Variants in MCTP2 observed in about 807,000 individuals in gnomAD.
MCTP2 encodes multiple C2 and transmembrane domain-containing protein 2.
Under a neutral mutation model 111.6 loss-of-function variants are expected in MCTP2, and 132 were observed. That is an observed-to-expected ratio of 1.18 (90% CI 1.03 to 1.37). MCTP2 has a LOEUF of 1.37. Among genes scored for constraint, MCTP2 ranks in the 40% most tolerant of loss-of-function variants. The probability of loss-of-function intolerance (pLI) is 0.00; values close to 1 mark genes in which losing one functional copy is unlikely to be tolerated. For missense variants in MCTP2, 1,183 were observed against 1,067.9 expected, an observed-to-expected ratio of 1.11 and a Z score of -1.50; for synonymous variants, 395 against 387.7, an observed-to-expected ratio of 1.02 and a Z score of -0.22.
intron 1 of MCTP2, among the ~76,000 whole-genome samples, chr15:94,268,076 C>G (rs374974153): frequency 6.6e-6 from 1 of 151,122 alleles, no homozygotes; most frequent in Non-Finnish European, 1.5e-5. Flanking sequence ...CTGTGATAGC[C>G]AGGATGGTCT....
At chr15:94,340,366 A>G (rs1000576976) in intron 6 of MCTP2, 91 bp downstream of exon 6, 4 of 921,994 alleles carry the variant, frequency 4.3e-6, no homozygotes, top group Non-Finnish European at 7.1e-6. Flanking sequence ...TCAAATGACA[A>G]AAATAACATA....
chr15:94,435,932 A>G lies in MCTP2; in HGVS notation c.2086-4244A>G, dbSNP rs1451920380. Among the ~76,000 whole-genome samples the G allele has an allele frequency of 2.0e-5, 3 of 152,040 alleles. No homozygotes were observed. The East Asian group carries it at 5.8e-4, about 29-fold the overall frequency. ...AGGCGTGAGCCACCGCGCCCGGCCT[A>G]TGCTATATTCTTCTAAACAAGTTTT... On this transcript the variant is annotated intron_variant, in intron 17 of 22. Coordinates refer to ENST00000357742, the MANE Select transcript of MCTP2 (RefSeq NM_001385001.1).
intron 3 of MCTP2, 125 bp from the exon 4 acceptor site, chr15:94,315,403 GT>G: frequency 1.6e-6 from 1 of 641,344 alleles, no homozygotes; most frequent in South Asian, 2.0e-5. Context: ...GTGAGGAGGA[GT>G]TGGGGATGAC....
intron 19 of MCTP2, among the ~76,000 whole-genome samples, chr15:94,456,948 C>A (rs924649915): frequency 1.1e-4 from 16 of 152,186 alleles, no homozygotes; most frequent in Non-Finnish European, 1.9e-4. Context: ...GTAGTGGGTT[C>A]TCTTTCACTC....
intron 1 of MCTP2, among the ~76,000 whole-genome samples, chr15:94,283,357 T>TG (rs1305379348): frequency 3.3e-5 from 5 of 152,112 alleles, no homozygotes; most frequent in Middle Eastern, 6.3e-3. Context: ...TGCCAAGCCT[T>TG]GGGGGGTGGG....
intron 17 of MCTP2, among the ~76,000 whole-genome samples, chr15:94,406,454 T>C (rs953166842): frequency 2.0e-5 from 3 of 152,252 alleles, no homozygotes; most frequent in African/African-American, 7.2e-5. Context: ...CCAACCATAC[T>C]GATTGTTTCA....
chr15:94,265,927 T>A (rs556860286), intron 1 of MCTP2, among the ~76,000 whole-genome samples: 12 of 152,344 alleles, frequency 7.9e-5, no homozygotes, highest in African/African-American at 2.9e-4. Context: ...GCTGGGAGTG[T>A]AATTACCACA....
At chr15:94,360,452 C>T (rs532542775) in intron 10 of MCTP2, among the ~76,000 whole-genome samples, 8 of 152,202 alleles carry the variant, frequency 5.3e-5, no homozygotes, top group Non-Finnish European at 5.9e-5. Context: ...CCTGCCAATA[C>T]GGATGGTAGT....
At chr15:94,381,061 A>C (rs966997309) in intron 12 of MCTP2, among the ~76,000 whole-genome samples, 3 of 152,334 alleles carry the variant, frequency 2.0e-5, no homozygotes, top group Non-Finnish European at 4.4e-5. Flanking sequence ...ATTCCTGTGA[A>C]ATGGGTGGTA....
chr15:94,241,894 G>T (rs895674318), intron 1 of MCTP2, among the ~76,000 whole-genome samples: 1 of 152,164 alleles, frequency 6.6e-6, no homozygotes, highest in Admixed American at 6.5e-5. Context: ...ATATTAAAGA[G>T]ACTTTGAATT....
chr15:94,466,132 G>A (rs2073263418), intron 20 of MCTP2, among the ~76,000 whole-genome samples: 1 of 151,636 alleles, frequency 6.6e-6, no homozygotes, highest in Non-Finnish European at 1.5e-5. Flanking sequence ...ATTTTCTTTT[G>A]GATTATATCT....
rs190075011 is a variant in MCTP2, at chr15:94,314,753, A to G, written c.528+409A>G. ...ACAGTCAAAAGTTTGAAATGACTCA[A>G]AAATTTAATTGGGCTCATGTAATAC... On this transcript the variant is annotated intron_variant, in intron 3 of 22. Coordinates refer to ENST00000357742, the MANE Select transcript of MCTP2 (RefSeq NM_001385001.1). The G allele has an allele frequency of 8.9e-4, 410 of 460,374 alleles. 1 individual carries two copies. Among genetic ancestry groups the G allele is most frequent in the African/African-American group, 6.2e-3 (310 of 50,394 alleles). The allele number at this position is 460,374 out of a possible 1,614,324, so 28.5% of individuals were successfully genotyped here. A position where few individuals can be genotyped will look rare whatever the true frequency, so the allele number is the denominator to read the frequency against.
At chr15:94,301,785 T>C (rs933802026) in intron 2 of MCTP2, among the ~76,000 whole-genome samples, 1 of 152,156 alleles carries the variant, frequency 6.6e-6, no homozygotes, top group Non-Finnish European at 1.5e-5. Flanking sequence ...GTGTAAACTT[T>C]TTGGCTGAAA....
chr15:94,258,294 G>T (rs1019076314), intron 1 of MCTP2, among the ~76,000 whole-genome samples: 1 of 152,020 alleles, frequency 6.6e-6, no homozygotes, highest in South Asian at 2.1e-4. Flanking sequence ...CCAGGTTATG[G>T]TAAACAGATT....
chr15:94,466,000 C>T (rs902515051), intron 20 of MCTP2, among the ~76,000 whole-genome samples: 1 of 152,138 alleles, frequency 6.6e-6, no homozygotes, highest in African/African-American at 2.4e-5. Flanking sequence ...TTTGGAAAAT[C>T]TTGGACTGTA....
chr15:94,356,531 A>G (rs927531195), intron 9 of MCTP2, among the ~76,000 whole-genome samples: 12 of 152,210 alleles, frequency 7.9e-5, no homozygotes, highest in Admixed American at 3.9e-4. Flanking sequence ...GAGAAACCTT[A>G]TTAAATCATA....
At chr15:94,372,074 T>A (rs2079520239) in intron 12 of MCTP2, among the ~76,000 whole-genome samples, 2 of 152,220 alleles carry the variant, frequency 1.3e-5, no homozygotes, top group African/African-American at 4.8e-5. Flanking sequence ...AGAAATGTTT[T>A]CATCTTGTTG....
intron 1 of MCTP2, among the ~76,000 whole-genome samples, chr15:94,240,954 A>G (rs1429265150): frequency 1.3e-5 from 2 of 152,158 alleles, no homozygotes; most frequent in East Asian, 1.9e-4. Flanking sequence ...AGATCAAGGT[A>G]CTTTTTTTGG....
At position 94,482,480 on chromosome 15, in the gene MCTP2, A is replaced by G. The variant is rs1249411586; in HGVS notation, c.*3446A>G. 6.6e-6 allele frequency: 1 copy of G among 152,238 alleles called. No homozygotes were observed. The highest frequency in any genetic ancestry group is 1.9e-4 in the East Asian group (1 of 5,200). 9.4% of individuals were successfully genotyped at this position (152,238 alleles called of 1,614,324 possible). ...AGTCCCTAGGTCTCCAGGTCTAGGAAGATGGTGTTACCTTTCACTAAGGGA... is the reference window on the plus strand; with the variant it reads ...AGTCCCTAGGTCTCCAGGTCTAGGAGGATGGTGTTACCTTTCACTAAGGGA... On this transcript the variant is annotated 3_prime_UTR_variant, in exon 23 of 23. Coordinates refer to ENST00000357742, the MANE Select transcript of MCTP2 (RefSeq NM_001385001.1).
Sources: gnomAD v4.1 joint callset for allele counts (sites outside exome capture counted in the v4.1 genomes callset) on GRCh38, gnomAD v4.1.1 for gene constraint, MANE v1.5 for transcripts, NCBI Gene and HGNC (gene_info 2026-07-23, HGNC 2026-07-21) for gene names.